The following ID1 variants were observed in gnomAD, a reference collection of about 807,000 sequenced individuals.
ID1 encodes the protein DNA-binding protein inhibitor ID-1.
A neutral mutation model predicts 11.3 loss-of-function variants in ID1; 8 were observed. The observed-to-expected ratio is 0.71, with a 90% CI of 0.42 to 1.28. ID1 has a LOEUF of 1.28. Among genes scored for constraint, ID1 ranks in the 50% most tolerant of loss-of-function variants. The probability of loss-of-function intolerance (pLI) is 0.01; values close to 1 mark genes in which losing one functional copy is unlikely to be tolerated. For missense variants in ID1, 347 were observed against 219.8 expected, an observed-to-expected ratio of 1.58 and a Z score of -3.66; for synonymous variants, 176 against 100.2, an observed-to-expected ratio of 1.76 and a Z score of -4.52.
rs944424815 is a variant in ID1 at position 31,606,105 on chromosome 20, C to T, written c.*11C>T. 1.2e-6 allele frequency: 2 copies of T among 1,608,046 alleles called. No individual in the cohort carries two copies. Among genetic ancestry groups the T allele is most frequent in the Non-Finnish European group, 8.5e-7 (1 of 1,179,620 alleles). ...ATCTTGTGTCGCTGAAGCGCCTCCCCCAGGGACCGGCGGACCCCAGCCATC... is the reference window on the plus strand; with the variant it reads ...ATCTTGTGTCGCTGAAGCGCCTCCCTCAGGGACCGGCGGACCCCAGCCATC... On this transcript the variant is annotated 3_prime_UTR_variant, in exon 2 of 2. Coordinates refer to ENST00000376112, the MANE Select transcript of ID1 (RefSeq NM_002165.4).
In ID1 at chr20:31,605,808, G is replaced by A. The variant is rs1206496611; in HGVS notation, c.421G>A (p.Ala141Thr). 1.2e-6 allele frequency: 2 copies of A among 1,611,304 alleles called. No individual in the cohort carries two copies. The highest frequency in any genetic ancestry group is 1.7e-6 in the Non-Finnish European group (2 of 1,178,942). ...TLNGEISALT[A>T]EAACVPADDR... ...CAACGGCGAGATCAGCGCCCTGACG[G>A]CCGAGGTGAGATCCAGATCCGACCA... Residue 141 changes from alanine (A) to threonine (T), a missense_variant, in exon 1 of 2, where the codon GCC (alanine) becomes ACC (threonine). Transcript: ENST00000376112.
Position 31,605,539 on chromosome 20 carries a change from C to G in ID1, c.152C>G (p.Ala51Gly), listed in dbSNP as rs776270122. 2.6e-6 allele frequency: 4 copies of G among 1,557,472 alleles called. No homozygotes were observed. Among genetic ancestry groups the G allele is most frequent in the Non-Finnish European group, 3.5e-6 (4 of 1,148,688 alleles). Residue 51 changes from alanine to glycine, a missense_variant, in exon 1 of 2, where the codon GCG becomes GGG. Transcript: ENST00000376112. The part of the protein sequence containing the change: ...AISRCAGGAG[A>G]RLPALLDEQQ... Reference sequence around the variant, plus strand: ...TCGCGCTGCGCCGGGGGCGCCGGGGCGCGCCTGCCTGCCCTGCTGGACGAG... The same window carrying G: ...TCGCGCTGCGCCGGGGGCGCCGGGGGGCGCCTGCCTGCCCTGCTGGACGAG...
intron 1 of ID1, 105 bp from the exon 2 acceptor site, chr20:31,605,948 G>A (rs1986091043): frequency 3.8e-6 from 6 of 1,598,016 alleles, no homozygotes; most frequent in African/African-American, 1.3e-5. Flanking sequence ...TAAGGAGCCT[G>A]GAAAAAGCGC....
At chr20:31,605,929 G>C in intron 1 of ID1, 116 bp downstream of exon 1, 1 of 1,586,752 alleles carries the variant, frequency 6.3e-7, no homozygotes, top group Non-Finnish European at 8.6e-7. Context: ...CTGGCTATGC[G>C]GGGGTGCCTA....
rs148925564 is a variant in ID1, at chr20:31,606,190, G to A, written c.*96G>A. The A allele has an allele frequency of 5.6e-3, 7,426 of 1,316,148 alleles. 32 individuals carry two copies. The highest frequency in any genetic ancestry group is 6.9e-3 in the Non-Finnish European group (6,408 of 922,746). The allele number at this position is 1,316,148 out of a possible 1,614,324, so 81.5% of individuals were successfully genotyped here. A position where few individuals can be genotyped will look rare whatever the true frequency, so the allele number is the denominator to read the frequency against. On this transcript the variant is annotated 3_prime_UTR_variant, in exon 2 of 2. Transcript: ENST00000376112. Reference sequence around the variant, plus strand: ...TCCCCCAACGCGCCTCGCCGGATCTGAGGGAGAACAAGACCGATCGGCGGC... The same window carrying A: ...TCCCCCAACGCGCCTCGCCGGATCTAAGGGAGAACAAGACCGATCGGCGGC...
chr20:31,605,744 G>T lies in ID1; in HGVS notation c.357G>T (p.Gly119=), dbSNP rs747726016. ...LNSESEVGTP[G]GRGLPVRAPL... Reference sequence around the variant, plus strand: ...CGGAATCCGAAGTTGGAACCCCCGGGGGCCGAGGGCTGCCGGTCCGGGCTC... The same window carrying T: ...CGGAATCCGAAGTTGGAACCCCCGGTGGCCGAGGGCTGCCGGTCCGGGCTC... Residue 119 remains glycine, a synonymous_variant, in exon 1 of 2, where the codon GGG becomes GGT. Transcript: ENST00000376112. 3.0e-5 allele frequency: 49 copies of T among 1,610,400 alleles called. No homozygotes were observed. Among genetic ancestry groups the T allele is most frequent in the Non-Finnish European group, 4.0e-5 (47 of 1,178,496 alleles).
Position 31,605,806 on chromosome 20 carries a change from C to G in ID1, c.419C>G (p.Thr140Arg), listed in dbSNP as rs767944694. The G allele has an allele frequency of 2.5e-6, 4 of 1,611,416 alleles. 1 individual carries two copies. The Admixed American group carries it at 6.7e-5, about 27-fold the overall frequency. The change falls in exon 1 of 2, where the codon ACG (threonine) becomes AGG (arginine). Residue 140 changes from threonine (T) to arginine (R), a missense_variant. Thr to Arg is a moderately conservative substitution (Grantham distance 71). Transcript: ENST00000376112. The stretch of plus-strand genomic sequence containing the variant: ...CTCAACGGCGAGATCAGCGCCCTGA[C>G]GGCCGAGGTGAGATCCAGATCCGAC... ...STLNGEISAL[T>R]AEAACVPADD...
rs774760471 is a variant in ID1, at chr20:31,605,801, C to T, written c.414C>T (p.Ala138=). The T allele has an allele frequency of 6.2e-6, 10 of 1,611,532 alleles. No homozygotes were observed. In the Admixed American group the frequency reaches 1.5e-4, roughly 24 times the overall value. ...PLSTLNGEIS[A]LTAEAACVPA... ...GCACCCTCAACGGCGAGATCAGCGC[C>T]CTGACGGCCGAGGTGAGATCCAGAT... Residue 138 remains alanine (A), a synonymous_variant, in exon 1 of 2, where the codon GCC becomes GCT. Coordinates refer to ENST00000376112, the MANE Select transcript of ID1 (RefSeq NM_002165.4).
At position 31,606,337 on chromosome 20, in the gene ID1, G is replaced by T; in HGVS notation, c.*243G>T. On this transcript the variant is annotated 3_prime_UTR_variant, in exon 2 of 2. Coordinates refer to ENST00000376112, the MANE Select transcript of ID1 (RefSeq NM_002165.4). ...TTAGGGGGTGGGATTCCACTCGTGT[G>T]TTTCTATTTTTTGAAAAGCAGACAT... 1 of 559,582 alleles carries T rather than the reference G, an allele frequency of 1.8e-6. No homozygotes were observed. Among genetic ancestry groups the T allele is most frequent in the Non-Finnish European group, 3.2e-6 (1 of 308,354 alleles). The allele number at this position is 559,582 out of a possible 1,614,324, so 34.7% of individuals were successfully genotyped here. A position where few individuals can be genotyped will look rare whatever the true frequency, so the allele number is the denominator to read the frequency against.
chr20:31,606,151 G>C lies in ID1; in HGVS notation c.*57G>C, dbSNP rs8116155. The stretch of plus-strand genomic sequence containing the variant: ...CCATCCAGGGGGCAAGAGGAATTAC[G>C]TGCTCTGTGGGTCTCCCCCAACGCG... On this transcript the variant is annotated 3_prime_UTR_variant, in exon 2 of 2. Transcript: ENST00000376112. The C allele has an allele frequency of 0.016, 24,628 of 1,547,994 alleles. 276 individuals are homozygous for C. Among genetic ancestry groups the C allele is most frequent in the Non-Finnish European group, 0.02 (22,665 of 1,125,290 alleles).
Position 31,605,558 on chromosome 20 carries a change from G to A in ID1, c.171G>A (p.Leu57=), listed in dbSNP as rs762399822. The A allele has an allele frequency of 2.4e-5, 37 of 1,558,462 alleles. No homozygotes were observed. The highest frequency in any genetic ancestry group is 8.7e-7 in the Non-Finnish European group (1 of 1,149,638). The change falls in exon 1 of 2, where the codon CTG becomes CTA. Residue 57 remains leucine, a synonymous_variant. Coordinates refer to ENST00000376112, the MANE Select transcript of ID1 (RefSeq NM_002165.4). ...CCGGGGCGCGCCTGCCTGCCCTGCT[G>A]GACGAGCAGCAGGTAAACGTGCTGC... ...GGAGARLPAL[L]DEQQVNVLLY...
At position 31,605,343 on chromosome 20, in the gene ID1, T is replaced by G. The variant is rs757265564; in HGVS notation, c.-45T>G. On this transcript the variant is annotated 5_prime_UTR_variant, in exon 1 of 2. Coordinates refer to ENST00000376112, the MANE Select transcript of ID1 (RefSeq NM_002165.4). ...GTATCTGCTTCGGGCTTCCACCTCA[T>G]TTTTTTCGCTTTGCCCATTCTGTTT... 1.9e-6 allele frequency: 3 copies of G among 1,542,006 alleles called. No homozygotes were observed. The highest frequency in any genetic ancestry group is 2.3e-5 in the South Asian group (2 of 87,060).
At position 31,605,313 on chromosome 20, in the gene ID1, T is replaced by A. The variant is rs1465525777; in HGVS notation, c.-75T>A. ...CATTCCACGTTCTTAACTGTTCCAT[T>A]TTCCGTATCTGCTTCGGGCTTCCAC... On this transcript the variant is annotated 5_prime_UTR_variant, in exon 1 of 2. Transcript: ENST00000376112. 5 of 1,381,616 alleles carry A rather than the reference T, an allele frequency of 3.6e-6. No homozygotes were observed. Among genetic ancestry groups the A allele is most frequent in the African/African-American group, 1.5e-5 (1 of 67,550 alleles). The allele number at this position is 1,381,616 out of a possible 1,614,324, so 85.6% of individuals were successfully genotyped here.
chr20:31,605,342 AT>A lies in ID1; in HGVS notation c.-39del, dbSNP rs150269842. 1.2e-3 allele frequency: 1,884 copies of A among 1,546,748 alleles called. 26 individuals carry two copies. The African/African-American group carries it at 0.023, about 19-fold the overall frequency. On this transcript the variant is annotated 5_prime_UTR_variant, in exon 1 of 2. Transcript: ENST00000376112. ...CGTATCTGCTTCGGGCTTCCACCTC[AT>A]TTTTTTCGCTTTGCCCATTCTGTTT...
In ID1 at chr20:31,606,073, C is replaced by A. The variant is rs1210111963; in HGVS notation, c.447C>A (p.Asp149Glu). Residue 149 changes from aspartate to glutamate, a missense_variant, in exon 2 of 2, where the codon GAC becomes GAA. Transcript: ENST00000376112. The part of the protein sequence containing the change: ...LTAEAACVPA[D>E]DRILCR ...CACAGGCGGCATGCGTTCCTGCGGACGATCGCATCTTGTGTCGCTGAAGCG... is the reference window on the plus strand; with the variant it reads ...CACAGGCGGCATGCGTTCCTGCGGAAGATCGCATCTTGTGTCGCTGAAGCG... The A allele has an allele frequency of 1.2e-6, 2 of 1,609,744 alleles. No individual in the cohort carries two copies. The highest frequency in any genetic ancestry group is 8.5e-7 in the Non-Finnish European group (1 of 1,179,996).
rs1986109369 is a variant in ID1, at chr20:31,606,292, C to T, written c.*198C>T. ...AGGAGAGGGCGCTCCTCTCTGCACA[C>T]CTACTAGTCACCAGAGACTTTAGGG... is the stretch of plus-strand genomic sequence containing the variant. On this transcript the variant is annotated 3_prime_UTR_variant, in exon 2 of 2. Transcript: ENST00000376112. 1.6e-6 allele frequency: 1 copy of T among 609,208 alleles called. No homozygotes were observed. The highest frequency in any genetic ancestry group is 3.0e-6 in the Non-Finnish European group (1 of 334,606). The allele number at this position is 609,208 out of a possible 1,614,324, so 37.7% of individuals were successfully genotyped here.
chr20:31,605,606 C>A lies in ID1; in HGVS notation c.219C>A (p.Tyr73Ter), dbSNP rs759267672. The A allele has an allele frequency of 3.2e-6, 5 of 1,575,414 alleles. No individual in the cohort carries two copies. Among genetic ancestry groups the A allele is most frequent in the Admixed American group, 1.9e-5 (1 of 53,560 alleles). Residue 73 changes from tyrosine (Y) to a stop codon, truncating the protein, a stop_gained, in exon 1 of 2, where the codon TAC becomes TAA. Transcript: ENST00000376112. LOFTEE classifies it high-confidence loss of function. ...TGCTCTACGACATGAACGGCTGTTA[C>A]TCACGCCTCAAGGAGCTGGTGCCCA... ...NVLLYDMNGCYSRLKELVPTL... is the reference protein window; with the variant it reads ...NVLLYDMNGC
intron 1 of ID1, 56 bp from the exon 2 acceptor site, chr20:31,605,997 C>T (rs1986093317): frequency 2.5e-6 from 4 of 1,610,534 alleles, no homozygotes; most frequent in Non-Finnish European, 3.4e-6. Context: ...GCGTTCGCTG[C>T]GCTCGGAGCG....
Position 31,605,861 on chromosome 20 carries a change from A to T in ID1, c.426+48A>T, listed in dbSNP as rs759747344. ...AGATCATCCTTATACCGACGGGGAA[A>T]CGGAGGCCAGAGAGGGCGTGGGCGC... On this transcript the variant is annotated intron_variant, in intron 1 of 1. Coordinates refer to ENST00000376112, the MANE Select transcript of ID1 (RefSeq NM_002165.4). The T allele has an allele frequency of 5.0e-6, 8 of 1,596,764 alleles. No homozygotes were observed. The Admixed American group carries it at 1.4e-4, about 27-fold the overall frequency.
Sources: allele counts gnomAD v4.1 joint callset, GRCh38; gene constraint gnomAD v4.1.1; transcripts MANE v1.5; gene names NCBI Gene and HGNC (gene_info 2026-07-23, HGNC 2026-07-21).